Variants in FKBP3 observed in about 807,000 individuals in gnomAD.
The protein encoded by FKBP3 is FKBP prolyl isomerase 3.
Under a neutral mutation model 30.6 loss-of-function variants are expected in FKBP3, and 21 were observed. The observed-to-expected ratio is 0.69, with a 90% CI of 0.49 to 0.99. FKBP3 has a LOEUF of 0.99. Among genes scored for constraint, FKBP3 ranks in the 50% least tolerant of loss-of-function variants. The pLI is 0.00. For synonymous variants in FKBP3, 82 were observed against 91.3 expected (o/e 0.90, Z 0.58); for missense variants, 283 against 261.6 (o/e 1.08, Z -0.56).
chr14:45,117,953 A>G (rs1884889389), intron 6 of FKBP3, 75 bp downstream of exon 6: 2 of 1,065,022 alleles, frequency 1.9e-6, no homozygotes, highest in Non-Finnish European at 1.4e-6. Context: ...CCTAGACAGC[A>G]TCTTTCACAT....
chr14:45,127,567 C>A (rs757583390), intron 3 of FKBP3, among the ~76,000 whole-genome samples: 2 of 151,922 alleles, frequency 1.3e-5, no homozygotes, highest in East Asian at 1.9e-4. Flanking sequence ...AAAAAAGAAA[C>A]GTCTAAATTA....
intron 3 of FKBP3, among the ~76,000 whole-genome samples, chr14:45,128,367 G>A (rs1885144889): frequency 6.6e-6 from 1 of 152,128 alleles, no homozygotes; most frequent in South Asian, 2.1e-4. Context: ...AAAGGAGTAA[G>A]AAGGGACTGA....
chr14:45,120,030 T>G (rs77640850), intron 5 of FKBP3, among the ~76,000 whole-genome samples: 2,874 of 152,282 alleles, frequency 0.019, 56 homozygotes, highest in Non-Finnish European at 0.029. Flanking sequence ...ACTAAACCTT[T>G]AGTTTTAAGA....
intron 1 of FKBP3, among the ~76,000 whole-genome samples, chr14:45,133,684 G>A (rs561706995): frequency 6.6e-6 from 1 of 152,266 alleles, no homozygotes; most frequent in South Asian, 2.1e-4. Flanking sequence ...TTAAGATGGA[G>A]ACTATGCTGA....
At chr14:45,123,726 C>T (rs1263848772) in intron 3 of FKBP3, among the ~76,000 whole-genome samples, 3 of 150,622 alleles carry the variant, frequency 2.0e-5, no homozygotes, top group Non-Finnish European at 4.4e-5. Flanking sequence ...GCCATTCTCC[C>T]GCCTCAGCCT....
In FKBP3 at chr14:45,115,723, A is replaced by G. The variant is rs1007116466; in HGVS notation, c.*475T>C. 2.0e-5 allele frequency: 3 copies of G among 152,734 alleles called. No individual in the cohort carries two copies. Among genetic ancestry groups the G allele is most frequent in the Middle Eastern group, 6.8e-3 (2 of 294 alleles). The allele number at this position is 152,734 out of a possible 1,614,324, so 9.5% of individuals were successfully genotyped here. A position where few individuals can be genotyped will look rare whatever the true frequency, so the allele number is the denominator to read the frequency against. On this transcript the variant is annotated 3_prime_UTR_variant, in exon 7 of 7. Transcript: ENST00000396062. ...AATTCAGGTCTTGATCTTCCTGCCAAGATTTTTCTGCTTTTAGCATTTTGT... is the reference window on the plus strand; with the variant it reads ...AATTCAGGTCTTGATCTTCCTGCCAGGATTTTTCTGCTTTTAGCATTTTGT...
Position 45,134,429 on chromosome 14 carries a change from A to G in FKBP3, c.28T>C (p.Trp10Arg), listed in dbSNP as rs1446089719. 2.5e-6 allele frequency: 4 copies of G among 1,607,944 alleles called. No homozygotes were observed. Among genetic ancestry groups the G allele is most frequent in the East Asian group, 2.3e-5 (1 of 44,248 alleles). Residue 10 changes from tryptophan (W) to arginine (R), a missense_variant, in exon 1 of 7, where the codon TGG becomes CGG. Transcript: ENST00000396062. ...TCACTGCGCAGCTGCTCCACGGTCC[A>G]CGCCCGCTGTGGAACGGCCGCCGCC... MAAAVPQRAWTVEQLRSEQL... is the reference protein window; with the variant it reads MAAAVPQRARTVEQLRSEQL...
In FKBP3 at chr14:45,116,105, C is replaced by T; in HGVS notation, c.*93G>A. 1.1e-6 allele frequency: 1 copy of T among 879,026 alleles called. No individual in the cohort carries two copies. Among genetic ancestry groups the T allele is most frequent in the Non-Finnish European group, 1.9e-6 (1 of 539,842 alleles). 54.5% of individuals were successfully genotyped at this position (879,026 alleles called of 1,614,324 possible). ...AATTTTCCAGTTGACTCTTCCTTTA[C>T]AATAGTAACAAGTTCTAACTAGTTG... is the stretch of plus-strand genomic sequence containing the variant. On this transcript the variant is annotated 3_prime_UTR_variant, in exon 7 of 7. Transcript: ENST00000396062.
chr14:45,132,560 G>A (rs1885241489), intron 1 of FKBP3, among the ~76,000 whole-genome samples: 1 of 151,844 alleles, frequency 6.6e-6, no homozygotes, highest in South Asian at 2.1e-4. Flanking sequence ...ACCAGGCCCA[G>A]CTAATTTTTT....
intron 1 of FKBP3, among the ~76,000 whole-genome samples, chr14:45,131,574 A>G (rs1211210119): frequency 1.4e-5 from 2 of 146,872 alleles, no homozygotes; most frequent in Non-Finnish European, 3.0e-5. Context: ...GGTTGCAGTG[A>G]GCCGAGATCG....
At chr14:45,125,441 T>C (rs11157431) in intron 3 of FKBP3, among the ~76,000 whole-genome samples, 2 of 152,214 alleles carry the variant, frequency 1.3e-5, no homozygotes, top group East Asian at 1.9e-4. Context: ...TTATCAAAGA[T>C]GAAGTTATCA....
chr14:45,125,952 A>C (rs2139083430), intron 3 of FKBP3, among the ~76,000 whole-genome samples: 1 of 151,948 alleles, frequency 6.6e-6, no homozygotes. Context: ...TAGGCAGTGC[A>C]GTGGCACACA....
At chr14:45,122,094 G>A (rs957899136) in intron 3 of FKBP3, among the ~76,000 whole-genome samples, 7 of 151,982 alleles carry the variant, frequency 4.6e-5, no homozygotes, top group Non-Finnish European at 7.4e-5. Context: ...TCCCCGATTT[G>A]GAAAATAAAT....
chr14:45,119,252 G>C (rs752990144), intron 5 of FKBP3, among the ~76,000 whole-genome samples: 1 of 152,064 alleles, frequency 6.6e-6, no homozygotes, highest in Admixed American at 6.5e-5. Context: ...ACAAAGTTAG[G>C]GTGGTCACAT....
At chr14:45,133,133 C>G (rs1456925087) in intron 1 of FKBP3, among the ~76,000 whole-genome samples, 1 of 152,172 alleles carries the variant, frequency 6.6e-6, no homozygotes, top group African/African-American at 2.4e-5. Flanking sequence ...TCTTCTATCT[C>G]CCTGTCATGA....
At position 45,134,333 on chromosome 14, in the gene FKBP3, C is replaced by T. The variant is rs1437000490; in HGVS notation, c.108+16G>A. 2 of 1,601,600 alleles carry T rather than the reference C, an allele frequency of 1.2e-6. No individual in the cohort carries two copies. The highest frequency in any genetic ancestry group is 3.4e-5 in the Admixed American group (2 of 59,644). ...CCTCAGCCGCACCAGCCCGGCCGCC[C>T]CTACGCCTCTGGTACCGAATCTGAA... On this transcript the variant is annotated intron_variant, in intron 1 of 6. Transcript: ENST00000396062.
At chr14:45,116,286 G>A in intron 6 of FKBP3, 34 bp from the exon 7 acceptor site, 3 of 1,554,200 alleles carry the variant, frequency 1.9e-6, no homozygotes, top group South Asian at 1.1e-5. Context: ...TTGATAAAAA[G>A]TGCCTCTCCC....
At chr14:45,117,480 T>C (rs1272682775) in intron 6 of FKBP3, among the ~76,000 whole-genome samples, 1 of 150,460 alleles carries the variant, frequency 6.6e-6, no homozygotes, top group Non-Finnish European at 1.5e-5. Context: ...AGTCATTCCT[T>C]ATTTTTTTTT....
In FKBP3 at chr14:45,133,000, C is replaced by T. The variant is rs1385882220; in HGVS notation, c.108+1349G>A. ...TCCCCGACACATGTTCTTTTTCACC[C>T]TTGTACCTCCAAACACTGAGAATAG... On this transcript the variant is annotated intron_variant, in intron 1 of 6. Transcript: ENST00000396062. 3.7e-4 allele frequency among the ~76,000 whole-genome samples: 56 copies of T among 152,154 alleles called. 1 individual carries two copies. The highest frequency in any genetic ancestry group is 1.2e-4 in the Non-Finnish European group (8 of 68,028).
Sources: allele counts gnomAD v4.1 joint callset (sites outside exome capture counted in the v4.1 genomes callset), GRCh38; gene constraint gnomAD v4.1.1; transcripts MANE v1.5; gene names NCBI Gene and HGNC (gene_info 2026-07-23, HGNC 2026-07-21).